ZBTB20: variants seen among roughly 807,000 people sequenced by gnomAD.
ZBTB20 encodes zinc finger and BTB domain containing 20.
Under a neutral mutation model 56.9 loss-of-function variants are expected in ZBTB20, and 9 were observed. The ratio of observed to expected loss-of-function variants is 0.16; its 90% confidence interval spans 0.10 to 0.28. ZBTB20 has a LOEUF of 0.28. Ranked by LOEUF, ZBTB20 falls within the 10% of genes least tolerant of loss-of-function variation. The pLI is 1.00. For missense variants in ZBTB20, 655 were observed against 1,003.0 expected, an observed-to-expected ratio of 0.65 and a Z score of 4.69; for synonymous variants, 417 against 420.7, an observed-to-expected ratio of 0.99 and a Z score of 0.11.
At chr3:114,738,554 G>A (rs2066353650) in intron 5 of ZBTB20, among the ~76,000 whole-genome samples, 2 of 152,118 alleles carry the variant, frequency 1.3e-5, no homozygotes, top group South Asian at 4.1e-4. Context: ...GAGAGGTTAG[G>A]TCAAATGTCA....
chr3:114,677,036 G>T (rs1235992525), intron 6 of ZBTB20, among the ~76,000 whole-genome samples: 1 of 152,198 alleles, frequency 6.6e-6, no homozygotes, highest in South Asian at 2.1e-4. Flanking sequence ...CTCCCAAAGT[G>T]CTGGGATTAC....
chr3:114,371,377 T>A (rs893309498), intron 10 of ZBTB20, among the ~76,000 whole-genome samples: 3 of 152,234 alleles, frequency 2.0e-5, no homozygotes, highest in African/African-American at 7.2e-5. Context: ...GAACTCACTG[T>A]AGTGACAGGC....
At position 115,038,400 on chromosome 3, in the gene ZBTB20, T is replaced by G. The variant is rs2081013216; in HGVS notation, c.-507+32819A>C. Among the ~76,000 whole-genome samples the G allele has an allele frequency of 2.0e-5, 3 of 152,198 alleles. No homozygotes were observed. The South Asian group carries it at 6.2e-4, about 31-fold the overall frequency. On this transcript the variant is annotated intron_variant, in intron 2 of 11. Transcript: ENST00000675478. ...CATACAAAACAAGGTGAAAACTGAC[T>G]TGGCCATACAGGTTTGCAATCTAAC...
chr3:114,605,596 G>A (rs2057081701), intron 6 of ZBTB20, among the ~76,000 whole-genome samples: 1 of 152,112 alleles, frequency 6.6e-6, no homozygotes, highest in African/African-American at 2.4e-5. Flanking sequence ...CAATCTAGTG[G>A]GGAGAAAGGA....
At chr3:114,606,925 G>A (rs2057207934) in intron 6 of ZBTB20, among the ~76,000 whole-genome samples, 1 of 151,904 alleles carries the variant, frequency 6.6e-6, no homozygotes, top group Non-Finnish European at 1.5e-5. Flanking sequence ...GTGAAACTCC[G>A]TCTTTACTAA....
At chr3:114,513,158 A>G (rs1414332077) in intron 6 of ZBTB20, among the ~76,000 whole-genome samples, 2 of 152,182 alleles carry the variant, frequency 1.3e-5, no homozygotes, top group Non-Finnish European at 2.9e-5. Context: ...TAATGTATGT[A>G]TAGAGCAGCA....
chr3:115,081,389 A>G (rs1345087012), intron 1 of ZBTB20, among the ~76,000 whole-genome samples: 3 of 152,102 alleles, frequency 2.0e-5, no homozygotes, highest in African/African-American at 7.2e-5. Context: ...AAACTACACT[A>G]TCCTATATCC....
intron 2 of ZBTB20, among the ~76,000 whole-genome samples, chr3:115,054,820 T>A (rs1301906542): frequency 2.0e-5 from 3 of 152,136 alleles, no homozygotes; most frequent in Non-Finnish European, 4.4e-5. Flanking sequence ...TAATTTTGAT[T>A]TTTCTTAGCT....
intron 4 of ZBTB20, among the ~76,000 whole-genome samples, chr3:114,832,740 T>G (rs958112951): frequency 1.3e-5 from 2 of 152,198 alleles, no homozygotes; most frequent in East Asian, 3.9e-4. Context: ...GATACTAAAT[T>G]TGTGAATTGA....
chr3:114,636,251 T>C (rs532702735), intron 6 of ZBTB20, among the ~76,000 whole-genome samples: 55 of 152,268 alleles, frequency 3.6e-4, no homozygotes, highest in African/African-American at 1.3e-3. Flanking sequence ...CAGAGGGGTG[T>C]TCACCATCAC....
At chr3:114,406,016 A>G (rs1341113199) in intron 7 of ZBTB20, among the ~76,000 whole-genome samples, 1 of 152,156 alleles carries the variant, frequency 6.6e-6, no homozygotes, top group African/African-American at 2.4e-5. Flanking sequence ...AGATTAAAAA[A>G]AAAAACCCTA....
At chr3:114,408,526 T>TA in intron 7 of ZBTB20, among the ~76,000 whole-genome samples, 1 of 139,482 alleles carries the variant, frequency 7.2e-6, no homozygotes, top group African/African-American at 2.6e-5. Context: ...CTTCTAGTGA[T>TA]TTTTTTTTTT....
chr3:114,552,478 T>C (rs111521866), intron 6 of ZBTB20, among the ~76,000 whole-genome samples: 10 of 152,130 alleles, frequency 6.6e-5, no homozygotes, highest in African/African-American at 2.4e-4. Flanking sequence ...AGTTCTGCTT[T>C]AGAACCATTA....
intron 5 of ZBTB20, chr3:114,791,573 T>C (rs2070959694): frequency 6.6e-6 from 1 of 152,146 alleles, no homozygotes; most frequent in Non-Finnish European, 1.5e-5. Flanking sequence ...AAGAGAACAC[T>C]GATGGTAACC....
chr3:114,971,010 G>A (rs1043585667), intron 3 of ZBTB20, among the ~76,000 whole-genome samples: 1 of 138,928 alleles, frequency 7.2e-6, no homozygotes. Flanking sequence ...GCGAGACTCC[G>A]TCAAAAAAAA....
intron 6 of ZBTB20, among the ~76,000 whole-genome samples, chr3:114,579,737 A>C (rs1445766619): frequency 1.3e-5 from 2 of 151,494 alleles, no homozygotes; most frequent in African/African-American, 2.4e-5. Context: ...TAAGAGGGGA[A>C]CATAAGGACA....
chr3:114,887,874 T>A (rs1470724430), intron 4 of ZBTB20, among the ~76,000 whole-genome samples: 1 of 151,938 alleles, frequency 6.6e-6, no homozygotes, highest in African/African-American at 2.4e-5. Flanking sequence ...AGCCCCCAAT[T>A]GATAGGAGCA....
intron 3 of ZBTB20, among the ~76,000 whole-genome samples, chr3:114,943,649 T>C (rs1560423226): frequency 2.1e-5 from 3 of 144,754 alleles, no homozygotes; most frequent in South Asian, 2.1e-4. Flanking sequence ...AATAGGTTAA[T>C]AGAAAATATC....
chr3:114,636,509 T>A (rs1393218481), intron 6 of ZBTB20, among the ~76,000 whole-genome samples: 1 of 152,040 alleles, frequency 6.6e-6, no homozygotes, highest in Non-Finnish European at 1.5e-5. Context: ...TAAAAAGACG[T>A]AAATTGTGAC....
Sources: allele counts gnomAD v4.1 joint callset (sites outside exome capture counted in the v4.1 genomes callset), GRCh38; gene constraint gnomAD v4.1.1; transcripts MANE v1.5; gene names NCBI Gene and HGNC (gene_info 2026-07-23, HGNC 2026-07-21).